The following PCDHA10 variants were observed in gnomAD, a reference collection of about 807,000 sequenced individuals.
PCDHA10 encodes the protein protocadherin alpha 10.
Under a neutral mutation model 61.2 loss-of-function variants are expected in PCDHA10, and 45 were observed. The ratio of observed to expected loss-of-function variants is 0.74; its 90% CI spans 0.58 to 0.94. The LOEUF is 0.94. PCDHA10 is among the 40% of genes least tolerant of loss of function. The pLI is 0.00. For missense variants in PCDHA10, 1,278 were observed against 1,236.2 expected (o/e 1.03, Z -0.51); for synonymous variants, 602 against 548.8 (o/e 1.10, Z -1.35).
intron 3 of PCDHA10, among the ~76,000 whole-genome samples, chr5:141,000,842 G>A (rs2097967739): frequency 1.3e-5 from 2 of 151,954 alleles, no homozygotes; most frequent in Non-Finnish European, 2.9e-5. Flanking sequence ...AGGAGATCCA[G>A]TCTGGCAGTC....
At chr5:140,963,523 A>T (rs2095769740) in intron 1 of PCDHA10, among the ~76,000 whole-genome samples, 1 of 152,218 alleles carries the variant, frequency 6.6e-6, no homozygotes. Flanking sequence ...CTCATAACAG[A>T]AGTCCCATTT....
intron 1 of PCDHA10, among the ~76,000 whole-genome samples, chr5:140,956,772 GT>G (rs2095308990): frequency 6.6e-6 from 1 of 152,202 alleles, no homozygotes; most frequent in African/African-American, 2.4e-5. Context: ...AATCTGTCTG[GT>G]CCTGGGCTTT....
chr5:140,902,465 T>C (rs535908878), intron 1 of PCDHA10, among the ~76,000 whole-genome samples: 4 of 152,280 alleles, frequency 2.6e-5, no homozygotes, highest in Non-Finnish European at 4.4e-5. Flanking sequence ...AGAAAAGGCT[T>C]TGAGTTTTTG....
intron 1 of PCDHA10, chr5:140,877,335 G>C (rs115718636): frequency 0.047 from 75,474 of 1,613,976 alleles, 2,017 homozygotes; most frequent in Middle Eastern, 0.086. Flanking sequence ...CGCACATCCC[G>C]TTCCACGTGG....
At chr5:140,871,183 G>A (rs782647681) in intron 1 of PCDHA10, 2 of 1,613,586 alleles carry the variant, frequency 1.2e-6, no homozygotes, top group South Asian at 2.2e-5. Flanking sequence ...TGCGCTGGTG[G>A]ATGTCAACGT....
intron 1 of PCDHA10, among the ~76,000 whole-genome samples, chr5:140,906,368 T>C (rs1554192499): frequency 1.3e-5 from 2 of 152,198 alleles, no homozygotes. Flanking sequence ...CCAACCCAAA[T>C]GCTATTACAT....
At chr5:140,915,557 T>G (rs909593732) in intron 1 of PCDHA10, among the ~76,000 whole-genome samples, 1 of 152,102 alleles carries the variant, frequency 6.6e-6, no homozygotes, top group African/African-American at 2.4e-5. Flanking sequence ...AGATCCAGAA[T>G]GATTATCTGG....
At chr5:140,994,059 A>G (rs2097593470) in intron 3 of PCDHA10, among the ~76,000 whole-genome samples, 5 of 152,174 alleles carry the variant, frequency 3.3e-5, no homozygotes, top group Admixed American at 3.3e-4. Context: ...GCCCTTATAA[A>G]TCTAATGGTG....
At chr5:140,941,852 T>G (rs1254913265) in intron 1 of PCDHA10, among the ~76,000 whole-genome samples, 2 of 152,236 alleles carry the variant, frequency 1.3e-5, no homozygotes, top group Non-Finnish European at 2.9e-5. Context: ...TTACCTGATA[T>G]TCCCTATCAT....
At chr5:140,889,218 G>T (rs1163027011) in intron 1 of PCDHA10, among the ~76,000 whole-genome samples, 1 of 151,574 alleles carries the variant, frequency 6.6e-6, no homozygotes, top group Non-Finnish European at 1.5e-5. Flanking sequence ...AAGAAGAATA[G>T]TCTTTGAAAA....
intron 1 of PCDHA10, chr5:140,966,939 TG>T: frequency 1.2e-6 from 2 of 1,604,434 alleles, no homozygotes; most frequent in Non-Finnish European, 1.7e-6. Flanking sequence ...GGCGCGCTCG[TG>T]GGCAACGTGG....
intron 1 of PCDHA10, among the ~76,000 whole-genome samples, chr5:140,963,504 G>T (rs1044640224): frequency 4.6e-5 from 7 of 152,222 alleles, no homozygotes; most frequent in Admixed American, 1.3e-4. Flanking sequence ...CAAATCTCTT[G>T]AAGGGGTTCT....
In PCDHA10 at chr5:140,987,225, A is replaced by T. The variant is rs182444933; in HGVS notation, c.2536+4662A>T. On this transcript the variant is annotated intron_variant, in intron 3 of 3. Transcript: ENST00000307360. Reference sequence around the variant, plus strand: ...TGAGACTCCATCTCAAAAAAAAAAAAAATAATAAATAAAGAAAGAAAGACA... The same window carrying T: ...TGAGACTCCATCTCAAAAAAAAAAATAATAATAAATAAAGAAAGAAAGACA... 6.5e-3 allele frequency among the ~76,000 whole-genome samples: 935 copies of T among 143,134 alleles called. 9 individuals carry two copies. Among genetic ancestry groups the T allele is most frequent in the African/African-American group, 0.025 (815 of 32,962 alleles). The allele number at this position is 143,134 out of a possible 152,430, so 93.9% of individuals were successfully genotyped here. A position where few individuals can be genotyped will look rare whatever the true frequency, so the allele number is the denominator to read the frequency against.
At chr5:140,902,677 G>A (rs1457054226) in intron 1 of PCDHA10, among the ~76,000 whole-genome samples, 6 of 151,960 alleles carry the variant, frequency 3.9e-5, no homozygotes, top group Non-Finnish European at 5.9e-5. Flanking sequence ...AGTGTACACC[G>A]TACCTAATAT....
chr5:140,856,253 A>T lies in PCDHA10; in HGVS notation c.205A>T (p.Arg69Ter), dbSNP rs545226629. The change falls in exon 1 of 4, where the codon AGA (arginine) becomes TGA (stop). Residue 69 changes from arginine (R) to a stop codon, truncating the protein, a stop_gained. Coordinates refer to ENST00000307360, the MANE Select transcript of PCDHA10 (RefSeq NM_018901.4). LOFTEE classifies it high-confidence loss of function. ...GCGCCTGTTCCGGGTGGCGTCCAAA[A>T]GACACGGGGACCTTCTGGAGGTAAA... ...VQRLFRVASK[R>*]HGDLLEVNLQ... The T allele has an allele frequency of 1.3e-6, 2 of 1,598,032 alleles. 1 individual carries two copies. The highest frequency in any genetic ancestry group is 2.7e-5 in the African/African-American group (2 of 74,378).
At chr5:140,888,958 A>G (rs1174377099) in intron 1 of PCDHA10, among the ~76,000 whole-genome samples, 1 of 152,010 alleles carries the variant, frequency 6.6e-6, no homozygotes, top group African/African-American at 2.4e-5. Flanking sequence ...TTTCTTTGGC[A>G]ATGTTAATGT....
In PCDHA10 at chr5:140,949,530, A is replaced by G. The variant is rs535959568; in HGVS notation, c.2389-29419A>G. Among the ~76,000 whole-genome samples, 8 of 151,972 alleles carry G rather than the reference A, an allele frequency of 5.3e-5. No homozygotes were observed. The South Asian group carries it at 1.7e-3, about 31-fold the overall frequency. On this transcript the variant is annotated intron_variant, in intron 1 of 3. Coordinates refer to ENST00000307360, the MANE Select transcript of PCDHA10 (RefSeq NM_018901.4). ...GATTTATTGATCCTTTTATCTTCATAAAATATCGATTTGTTGCTGGTCATA... is the reference window on the plus strand; with the variant it reads ...GATTTATTGATCCTTTTATCTTCATGAAATATCGATTTGTTGCTGGTCATA...
intron 1 of PCDHA10, chr5:140,968,878 T>A (rs1554231201): frequency 6.2e-7 from 1 of 1,614,244 alleles, no homozygotes; most frequent in South Asian, 1.1e-5. Flanking sequence ...ACTCTGAAAT[T>A]ACCCTTTATC....
At position 140,993,185 on chromosome 5, in the gene PCDHA10, G is replaced by A. The variant is rs1393686590; in HGVS notation, c.2536+10622G>A. Among the ~76,000 whole-genome samples, 5 of 152,162 alleles carry A rather than the reference G, an allele frequency of 3.3e-5. No homozygotes were observed. The South Asian group carries it at 8.3e-4, about 25-fold the overall frequency. The stretch of plus-strand genomic sequence containing the variant: ...TTGCCTTTGGGAAATTTCTTTAGAG[G>A]GAAACTCACTAAAGCTAATTTTTTT... On this transcript the variant is annotated intron_variant, in intron 3 of 3. Transcript: ENST00000307360.
Sources: gnomAD v4.1 joint callset for allele counts (sites outside exome capture counted in the v4.1 genomes callset) on GRCh38, gnomAD v4.1.1 for gene constraint, MANE v1.5 for transcripts, NCBI Gene and HGNC (gene_info 2026-07-23, HGNC 2026-07-21) for gene names.